Variants in CDK8 observed in about 807,000 individuals in gnomAD.
CDK8 encodes the protein cyclin dependent kinase 8.
In CDK8, 29 loss-of-function variants were observed where a neutral mutation model predicts 71.5. The observed-to-expected ratio is 0.41, with a 90% confidence interval of 0.30 to 0.55. CDK8 has a LOEUF of 0.55. CDK8 is among the 20% of genes least tolerant of loss of function. The pLI, the probability that CDK8 is intolerant of heterozygous loss-of-function variation, is 0.37. For synonymous variants in CDK8, 161 were observed against 192.1 expected, an observed-to-expected ratio of 0.84 and a Z score of 1.34; for missense variants, 288 against 572.6, an observed-to-expected ratio of 0.50 and a Z score of 5.07.
intron 1 of CDK8, among the ~76,000 whole-genome samples, chr13:26,269,642 G>A (rs890707837): frequency 6.6e-6 from 1 of 151,984 alleles, no homozygotes; most frequent in Admixed American, 6.6e-5. Flanking sequence ...AAAATACTGA[G>A]TACATGTCAC....
At chr13:26,312,871 G>C (rs114264236) in intron 1 of CDK8, among the ~76,000 whole-genome samples, 2,138 of 152,224 alleles carry the variant, frequency 0.014, 45 homozygotes, top group African/African-American at 0.049. Flanking sequence ...AATTTCCTTA[G>C]AAATTTCCCT....
chr13:26,324,883 C>A, intron 1 of CDK8: 2 of 419,908 alleles, frequency 4.8e-6, no homozygotes, highest in Non-Finnish European at 6.4e-6. Flanking sequence ...AATTTTATAA[C>A]TGAAACAGAC....
intron 1 of CDK8, among the ~76,000 whole-genome samples, chr13:26,331,586 A>G (rs1351563187): frequency 6.6e-6 from 1 of 152,090 alleles, no homozygotes; most frequent in Non-Finnish European, 1.5e-5. Flanking sequence ...TCCCTGATAC[A>G]AGTTTTTGTC....
At chr13:26,320,656 A>G (rs1874731598) in intron 1 of CDK8, among the ~76,000 whole-genome samples, 1 of 152,186 alleles carries the variant, frequency 6.6e-6, no homozygotes, top group African/African-American at 2.4e-5. Context: ...ACCAGAATAA[A>G]TAGAGAGCTC....
At chr13:26,272,283 G>A (rs1235404129) in intron 1 of CDK8, among the ~76,000 whole-genome samples, 1 of 151,952 alleles carries the variant, frequency 6.6e-6, no homozygotes, top group Non-Finnish European at 1.5e-5. Context: ...GCTTGAGGCA[G>A]GAGTTCAAGA....
chr13:26,321,509 A>G (rs1237123737), intron 1 of CDK8, among the ~76,000 whole-genome samples: 1 of 152,184 alleles, frequency 6.6e-6, no homozygotes, highest in Non-Finnish European at 1.5e-5. Flanking sequence ...TGAACTGTAC[A>G]CTTAAAAATG....
intron 1 of CDK8, among the ~76,000 whole-genome samples, chr13:26,317,145 AG>A (rs1304985518): frequency 6.6e-6 from 1 of 152,172 alleles, no homozygotes; most frequent in African/African-American, 2.4e-5. Flanking sequence ...GCATTGTGGG[AG>A]TTCCAGAGAA....
chr13:26,381,616 T>A (rs1010191385), intron 4 of CDK8, among the ~76,000 whole-genome samples: 7 of 152,136 alleles, frequency 4.6e-5, no homozygotes, highest in African/African-American at 1.4e-4. Flanking sequence ...AAAGACAGGG[T>A]AGACTCTGCT....
chr13:26,352,598 ATTG>A (rs1472850714), intron 3 of CDK8, among the ~76,000 whole-genome samples: 1 of 152,204 alleles, frequency 6.6e-6, no homozygotes, highest in Non-Finnish European at 1.5e-5. Flanking sequence ...AGATTATTAA[ATTG>A]TTGTAGCTCT....
At chr13:26,396,199 A>G (rs1875984009) in intron 7 of CDK8, 86 bp from the exon 8 acceptor site, 3 of 505,698 alleles carry the variant, frequency 5.9e-6, no homozygotes, top group Non-Finnish European at 1.1e-5. Context: ...CGGATAGGAA[A>G]TGTAATGAAC....
chr13:26,256,982 G>A (rs990451285), intron 1 of CDK8, among the ~76,000 whole-genome samples: 4 of 151,990 alleles, frequency 2.6e-5, no homozygotes, highest in African/African-American at 4.8e-5. Flanking sequence ...GTAAAGTATC[G>A]CATAGTATTT....
intron 4 of CDK8, among the ~76,000 whole-genome samples, chr13:26,369,251 C>T (rs1017454007): frequency 1.3e-5 from 2 of 150,962 alleles, no homozygotes; most frequent in African/African-American, 4.9e-5. Context: ...TCAAGACCAG[C>T]CTGGACAGCA....
intron 1 of CDK8, among the ~76,000 whole-genome samples, chr13:26,288,890 T>TA (rs1231990213): frequency 6.6e-6 from 1 of 151,532 alleles, no homozygotes; most frequent in Non-Finnish European, 1.5e-5. Context: ...CTCCTGGGAC[T>TA]ATAGGCACGT....
intron 4 of CDK8, among the ~76,000 whole-genome samples, chr13:26,356,751 G>A (rs558327390): frequency 1.3e-5 from 2 of 152,256 alleles, no homozygotes; most frequent in South Asian, 2.1e-4. Context: ...TTCAGAAGCT[G>A]TATCACATAA....
intron 1 of CDK8, among the ~76,000 whole-genome samples, chr13:26,316,542 G>A (rs958348510): frequency 1.1e-4 from 17 of 152,082 alleles, no homozygotes; most frequent in African/African-American, 4.1e-4. Context: ...AAAAACAACT[G>A]CATATATGGG....
chr13:26,371,207 G>A (rs879160662), intron 4 of CDK8, among the ~76,000 whole-genome samples: 1 of 152,076 alleles, frequency 6.6e-6, no homozygotes, highest in Admixed American at 6.5e-5. Context: ...ATGTATTTAG[G>A]ACTTTTATAT....
intron 1 of CDK8, among the ~76,000 whole-genome samples, chr13:26,332,440 A>G (rs772096284): frequency 6.6e-6 from 1 of 151,842 alleles, no homozygotes; most frequent in Admixed American, 6.6e-5. Context: ...AGCTGAGATC[A>G]TGCCACTGCA....
At chr13:26,282,400 T>A (rs1206362812) in intron 1 of CDK8, among the ~76,000 whole-genome samples, 1 of 152,186 alleles carries the variant, frequency 6.6e-6, no homozygotes, top group Non-Finnish European at 1.5e-5. Context: ...CAGAAGGGAT[T>A]TGGATCCTAT....
chr13:26,374,933 G>T (rs1232849350), intron 4 of CDK8, among the ~76,000 whole-genome samples: 2 of 152,040 alleles, frequency 1.3e-5, no homozygotes, highest in Non-Finnish European at 2.9e-5. Context: ...TTTGATAGAT[G>T]CATGCAGAAA....
Sources: gnomAD v4.1 joint callset for allele counts (sites outside exome capture counted in the v4.1 genomes callset) on GRCh38, gnomAD v4.1.1 for gene constraint, MANE v1.5 for transcripts, NCBI Gene and HGNC (gene_info 2026-07-23, HGNC 2026-07-21) for gene names.